The following SEMA4F variants were observed in gnomAD, a reference collection of about 807,000 sequenced individuals.
SEMA4F encodes the protein ssemaphorin 4F, also known as semaphorin-4F.
A neutral mutation model predicts 78.4 loss-of-function variants in SEMA4F; 51 were observed. The ratio of observed to expected loss-of-function variants is 0.65; its 90% CI spans 0.52 to 0.82. The LOEUF (loss-of-function observed/expected upper bound fraction) is 0.82, where lower values mean the gene tolerates loss of function less well. SEMA4F is among the 40% of genes least tolerant of loss of function. The probability of loss-of-function intolerance (pLI) is 0.00; values close to 1 mark genes in which losing one functional copy is unlikely to be tolerated. For synonymous variants in SEMA4F, 418 were observed against 408.7 expected (o/e 1.02, Z -0.27); for missense variants, 938 against 1,014.4 (o/e 0.92, Z 1.02).
the SEMA4F span, among the ~76,000 whole-genome samples, chr2:74,697,567 T>C: frequency 6.6e-6 from 1 of 151,986 alleles, no homozygotes; most frequent in African/African-American, 2.4e-5. Flanking sequence ...AGTTGTAAGA[T>C]TGGGGTCTTG....
At chr2:74,708,255 C>T in the SEMA4F span, among the ~76,000 whole-genome samples, 2 of 152,220 alleles carry the variant, frequency 1.3e-5, no homozygotes, top group African/African-American at 4.8e-5. Flanking sequence ...CAGCAAAGTA[C>T]ATTTACAATG....
Position 74,663,424 on chromosome 2 carries a change from G to A in SEMA4F, c.550+599G>A, listed in dbSNP as rs199954935. 1.1e-4 allele frequency among the ~76,000 whole-genome samples: 16 copies of A among 152,264 alleles called. No homozygotes were observed. In the East Asian group the frequency reaches 3.1e-3, roughly 29 times the overall value. ...TTAGAAAATTATTGCTAATATTTTAGGATATTTCCTAATACCCTGTATTCG... is the reference window on the plus strand; with the variant it reads ...TTAGAAAATTATTGCTAATATTTTAAGATATTTCCTAATACCCTGTATTCG... On this transcript the variant is annotated intron_variant, in intron 5 of 13. Transcript: ENST00000357877.
At chr2:74,692,143 C>G in the SEMA4F span, among the ~76,000 whole-genome samples, 1 of 152,196 alleles carries the variant, frequency 6.6e-6, no homozygotes, top group Non-Finnish European at 1.5e-5. Flanking sequence ...ATCCAGTCCT[C>G]TCCCCAGAGG....
chr2:74,657,441 G>GC, intron 2 of SEMA4F, 124 bp from the exon 3 acceptor site: 1 of 783,560 alleles, frequency 1.3e-6, no homozygotes, highest in East Asian at 2.5e-5. Context: ...GAAAAACAAT[G>GC]CTCTAGGGGG....
At chr2:74,662,935 A>T (rs1684501533) in intron 5 of SEMA4F, 110 bp downstream of exon 5, 3 of 995,428 alleles carry the variant, frequency 3.0e-6, no homozygotes, top group Non-Finnish European at 4.7e-6. Context: ...TATTATTCTC[A>T]TGTCTCTTTT....
At chr2:74,688,104 C>T (rs1685856964), downstream of SEMA4F, among the ~76,000 whole-genome samples, 1 of 152,088 alleles carries the variant, frequency 6.6e-6, no homozygotes, top group Admixed American at 6.5e-5. Context: ...AACTGAGGCT[C>T]GAAGGAGAAA....
intron 5 of SEMA4F, among the ~76,000 whole-genome samples, chr2:74,668,929 CAAAAAAAAAAA>C (rs1308342967): frequency 9.0e-5 from 5 of 55,662 alleles, no homozygotes; most frequent in Non-Finnish European, 1.8e-4. Flanking sequence ...CAAGCGTGGC[CAAAAAAAAAAA>C]AAAAAAAAAA....
At chr2:74,700,221 C>T in the SEMA4F span, among the ~76,000 whole-genome samples, 2 of 152,110 alleles carry the variant, frequency 1.3e-5, no homozygotes, top group African/African-American at 2.4e-5. Context: ...TCAGAGCAGA[C>T]ATCTCTGAAA....
the SEMA4F span, among the ~76,000 whole-genome samples, chr2:74,703,526 G>T: frequency 6.6e-6 from 1 of 152,174 alleles, no homozygotes; most frequent in Admixed American, 6.5e-5. Flanking sequence ...GTTAGCTGCT[G>T]GGAAGCAGCT....
the SEMA4F span, among the ~76,000 whole-genome samples, chr2:74,708,192 A>C: frequency 6.6e-6 from 1 of 152,202 alleles, no homozygotes; most frequent in African/African-American, 2.4e-5. Context: ...AGTTTAACTT[A>C]TCCCAGAGCA....
At chr2:74,676,012 T>C in intron 12 of SEMA4F, 103 bp downstream of exon 12, 4 of 1,309,496 alleles carry the variant, frequency 3.1e-6, no homozygotes, top group Non-Finnish European at 3.1e-6. Context: ...GGAGGCTGTT[T>C]TCTTTTTCTG....
chr2:74,656,664 C>A lies in SEMA4F; in HGVS notation c.276C>A (p.Phe92Leu). Residue 92 changes from phenylalanine to leucine, a missense_variant, in exon 2 of 14, where the codon TTC (phenylalanine) becomes TTA (leucine). Coordinates refer to ENST00000357877, the MANE Select transcript of SEMA4F (RefSeq NM_004263.5). ...CCATCTTCGCTTTATCCCTGCCCTT[C>A]TCAGGGGAGAGACCCCGCAGGGTGA... ...RDTIFALSLP[F>L]SGERPRRIDW... The A allele has an allele frequency of 6.2e-7, 1 of 1,614,170 alleles. No homozygotes were observed. Among genetic ancestry groups the A allele is most frequent in the Non-Finnish European group, 8.5e-7 (1 of 1,180,042 alleles).
downstream of SEMA4F, among the ~76,000 whole-genome samples, chr2:74,684,247 T>C (rs1410839055): frequency 1.3e-5 from 2 of 152,180 alleles, no homozygotes; most frequent in African/African-American, 2.4e-5. Context: ...GCTGTCCACA[T>C]GCTACCTCTA....
chr2:74,656,613 C>A lies in SEMA4F; in HGVS notation c.225C>A (p.His75Gln). 2 of 1,614,212 alleles carry A rather than the reference C, an allele frequency of 1.2e-6. No homozygotes were observed. The highest frequency in any genetic ancestry group is 2.2e-5 in the South Asian group (2 of 91,086). ...YSVLLVDPAS[H>Q]TLYVGARDTI... is the part of the protein sequence containing the mutation. ...TTCTCCTTGTGGATCCTGCCTCCCACACACTTTATGTTGGCGCCCGGGACA... is the reference window on the plus strand; with the variant it reads ...TTCTCCTTGTGGATCCTGCCTCCCAAACACTTTATGTTGGCGCCCGGGACA... The change falls in exon 2 of 14, where the codon CAC becomes CAA. Residue 75 changes from histidine to glutamine, a missense_variant. Physicochemically the swap from His to Gln is conservative, Grantham distance 24. Transcript: ENST00000357877.
the SEMA4F span, among the ~76,000 whole-genome samples, chr2:74,696,386 C>G: frequency 2.1e-4 from 32 of 151,890 alleles, no homozygotes; most frequent in South Asian, 6.2e-3. Context: ...TTAGTAGAGA[C>G]GGGGTTTCAT....
At chr2:74,654,577 C>T (rs1684019973) in intron 1 of SEMA4F, 56 bp downstream of exon 1, 3 of 1,423,716 alleles carry the variant, frequency 2.1e-6, no homozygotes, top group Non-Finnish European at 2.8e-6. Context: ...ACACCCACAC[C>T]CACCTGCTCC....
Position 74,678,048 on chromosome 2 carries a change from T to C in SEMA4F, c.1644-1228T>C, listed in dbSNP as rs527793856. On this transcript the variant is annotated intron_variant, in intron 12 of 13. Transcript: ENST00000357877. ...ATAAAGTAACTCTTGGATGACAGGC[T>C]TGGCCAGCTTTGCATTTTTGGTTAA... Among the ~76,000 whole-genome samples, 39 of 152,380 alleles carry C rather than the reference T, an allele frequency of 2.6e-4. 1 individual carries two copies. Among genetic ancestry groups the C allele is most frequent in the Non-Finnish European group, 5.1e-4 (35 of 68,038 alleles).
Position 74,665,913 on chromosome 2 carries a change from T to G in SEMA4F, c.550+3088T>G, listed in dbSNP as rs182438387. 7.4e-3 allele frequency among the ~76,000 whole-genome samples: 1,118 copies of G among 151,750 alleles called. 8 individuals carry two copies. Among genetic ancestry groups the G allele is most frequent in the Middle Eastern group, 0.02 (6 of 294 alleles). ...AAGCAGTAATTTTTGTTTTTTTTTTTTTTTGTTTTTTTGAGACGGAGTCTC... is the reference window on the plus strand; with the variant it reads ...AAGCAGTAATTTTTGTTTTTTTTTTGTTTTGTTTTTTTGAGACGGAGTCTC... On this transcript the variant is annotated intron_variant, in intron 5 of 13. Transcript: ENST00000357877.
chr2:74,663,323 A>C lies in SEMA4F; in HGVS notation c.550+498A>C, dbSNP rs184981187. Among the ~76,000 whole-genome samples, 233 of 152,276 alleles carry C rather than the reference A, an allele frequency of 1.5e-3. 1 individual carries two copies. Among genetic ancestry groups the C allele is most frequent in the African/African-American group, 5.4e-3 (224 of 41,550 alleles). On this transcript the variant is annotated intron_variant, in intron 5 of 13. Coordinates refer to ENST00000357877, the MANE Select transcript of SEMA4F (RefSeq NM_004263.5). ...AGTGTGACTGAAGGAAGGAATTTTA[A>C]ATAGTATTTAATTTTACGTAAATAG...
Sources: allele counts gnomAD v4.1 joint callset (sites outside exome capture counted in the v4.1 genomes callset), GRCh38; gene constraint gnomAD v4.1.1; transcripts MANE v1.5; gene names NCBI Gene and HGNC (gene_info 2026-07-23, HGNC 2026-07-21).